Variants in TUSC3 observed in about 807,000 individuals in gnomAD.
TUSC3 encodes tumor suppressor candidate 3.
Under a neutral mutation model 44.8 loss-of-function variants are expected in TUSC3, and 45 were observed. The observed-to-expected ratio is 1.00, with a 90% CI of 0.79 to 1.29. TUSC3 has a LOEUF of 1.29. Among genes scored for constraint, TUSC3 ranks in the 50% most tolerant of loss-of-function variants. TUSC3 has a pLI of 0.00. For synonymous variants in TUSC3, 212 were observed against 152.9 expected, an observed-to-expected ratio of 1.39 and a Z score of -2.85; for missense variants, 519 against 437.9, an observed-to-expected ratio of 1.19 and a Z score of -1.65.
chr8:15,746,627 T>A (rs1811427870), intron 8 of TUSC3, among the ~76,000 whole-genome samples: 1 of 152,062 alleles, frequency 6.6e-6, no homozygotes, highest in Admixed American at 6.6e-5. Flanking sequence ...CAAGTAATTA[T>A]CTTCTGTCTT....
At position 15,766,570 on chromosome 8, in the gene TUSC3, C is replaced by T. The variant is rs755019899; in HGVS notation, c.*2414C>T. 4 of 152,068 alleles carry T rather than the reference C, an allele frequency of 2.6e-5. No homozygotes were observed. The highest frequency in any genetic ancestry group is 4.8e-5 in the African/African-American group (2 of 41,410). The allele number at this position is 152,068 out of a possible 1,614,324, so 9.4% of individuals were successfully genotyped here. On this transcript the variant is annotated 3_prime_UTR_variant, in exon 11 of 11. Transcript: ENST00000503731. ...CTAAAGGAGTTTCATTTTGTAATAA[C>T]ATCTGATTAATAACTTGTTGCATTT...
intron 9 of TUSC3, among the ~76,000 whole-genome samples, chr8:15,756,506 T>A (rs2129222583): frequency 6.6e-6 from 1 of 152,344 alleles, no homozygotes; most frequent in Non-Finnish European, 1.5e-5. Flanking sequence ...CATTAAGTAT[T>A]CATTTACAGT....
chr8:15,830,490 C>A, the TUSC3 span, among the ~76,000 whole-genome samples: 1 of 152,082 alleles, frequency 6.6e-6, no homozygotes, highest in Non-Finnish European at 1.5e-5. Flanking sequence ...TTCACAGTAG[C>A]AAGGTCATGT....
intron 1 of TUSC3, among the ~76,000 whole-genome samples, chr8:15,437,630 A>T (rs946593338): frequency 1.3e-5 from 2 of 152,236 alleles, no homozygotes; most frequent in Admixed American, 6.5e-5. Flanking sequence ...GCTTTGCCTA[A>T]GTTATAAAAA....
intron 2 of TUSC3, among the ~76,000 whole-genome samples, chr8:15,633,256 C>T (rs1182117662): frequency 6.6e-6 from 1 of 152,134 alleles, no homozygotes; most frequent in African/African-American, 2.4e-5. Flanking sequence ...CAGGATCTGT[C>T]TTGGTCCACA....
chr8:15,780,541 T>C, the TUSC3 span, among the ~76,000 whole-genome samples: 1 of 152,144 alleles, frequency 6.6e-6, no homozygotes, highest in East Asian at 1.9e-4. Context: ...ATATTCCCAG[T>C]TGTTCTGGAA....
At chr8:15,600,879 T>C (rs1033257760) in intron 1 of TUSC3, among the ~76,000 whole-genome samples, 1 of 151,698 alleles carries the variant, frequency 6.6e-6, no homozygotes, top group African/African-American at 2.4e-5. Flanking sequence ...TTAATAACGA[T>C]AGAAATGGTG....
the TUSC3 span, among the ~76,000 whole-genome samples, chr8:15,783,977 A>G: frequency 2.0e-5 from 3 of 152,218 alleles, no homozygotes; most frequent in African/African-American, 7.2e-5. Flanking sequence ...GACAAAATAT[A>G]TAAGTAACTC....
intron 6 of TUSC3, among the ~76,000 whole-genome samples, chr8:15,721,493 T>G (rs900682498): frequency 1.3e-5 from 2 of 152,108 alleles, no homozygotes; most frequent in Non-Finnish European, 2.9e-5. Context: ...ATTATACTTT[T>G]CATATATACG....
chr8:15,508,725 T>G (rs1801093444), intron 2 of TUSC3, among the ~76,000 whole-genome samples: 1 of 152,108 alleles, frequency 6.6e-6, no homozygotes, highest in Admixed American at 6.5e-5. Flanking sequence ...CGTCCCAAAG[T>G]GCTGGGATTA....
chr8:15,805,726 T>G, the TUSC3 span, among the ~76,000 whole-genome samples: 1 of 152,118 alleles, frequency 6.6e-6, no homozygotes, highest in African/African-American at 2.4e-5. Context: ...TTCAGTTTGC[T>G]AGGATTTTTA....
chr8:15,507,839 A>G (rs935462397), intron 2 of TUSC3, among the ~76,000 whole-genome samples: 1 of 152,194 alleles, frequency 6.6e-6, no homozygotes, highest in African/African-American at 2.4e-5. Context: ...GTGAACAAAA[A>G]AAGATTAATG....
In TUSC3 at chr8:15,491,946, G is replaced by A. The variant is rs372789019; in HGVS notation, n.189+8463G>A. 3.6e-4 allele frequency among the ~76,000 whole-genome samples: 54 copies of A among 152,022 alleles called. 1 individual carries two copies. The South Asian group carries it at 4.4e-3, about 12-fold the overall frequency. On this transcript the variant is annotated intron_variant and non_coding_transcript_variant, in intron 2 of 5. Transcript: ENST00000503191. ...ATTTACAACTTTAATACTCTTTACC[G>A]TGGCTACTTCCATCTAACTACTTAT...
chr8:15,671,230 C>G (rs1267556594), intron 5 of TUSC3, among the ~76,000 whole-genome samples: 1 of 151,934 alleles, frequency 6.6e-6, no homozygotes, highest in Non-Finnish European at 1.5e-5. Context: ...TAGGAAGAGA[C>G]ACAAGAGAGC....
the TUSC3 span, among the ~76,000 whole-genome samples, chr8:15,810,524 G>C: frequency 8.5e-5 from 13 of 152,170 alleles, no homozygotes; most frequent in African/African-American, 3.1e-4. Flanking sequence ...TGTGGTCCCA[G>C]CTACTTGGGA....
At chr8:15,756,388 G>C (rs541471799) in intron 9 of TUSC3, among the ~76,000 whole-genome samples, 1 of 152,108 alleles carries the variant, frequency 6.6e-6, no homozygotes, top group East Asian at 1.9e-4. Context: ...TCCCTGAAAT[G>C]TAGTAGGTTC....
chr8:15,849,015 C>T, the TUSC3 span, among the ~76,000 whole-genome samples: 1 of 152,046 alleles, frequency 6.6e-6, no homozygotes, highest in Non-Finnish European at 1.5e-5. Flanking sequence ...CTCACATGCC[C>T]AGAATACTTT....
In TUSC3 at chr8:15,428,422, A is replaced by G. The variant is rs1424137905; in HGVS notation, n.91+11117A>G. ...CTTTGCTATTGTGAATAGTGCCGCA[A>G]TAAACATACGTGTGCATGTGTCTTT... On this transcript the variant is annotated intron_variant and non_coding_transcript_variant, in intron 1 of 5. Coordinates refer to the TUSC3 transcript ENST00000503191. 3.9e-5 allele frequency among the ~76,000 whole-genome samples: 6 copies of G among 151,950 alleles called. No individual in the cohort carries two copies. In the East Asian group the frequency reaches 5.8e-4, roughly 15 times the overall value.
chr8:15,556,360 T>G (rs1337853542), intron 1 of TUSC3, among the ~76,000 whole-genome samples: 2 of 150,808 alleles, frequency 1.3e-5, no homozygotes, highest in African/African-American at 2.4e-5. Flanking sequence ...TGCATAGTAT[T>G]CCATGGTGTA....
Sources: gnomAD v4.1 joint callset for allele counts (sites outside exome capture counted in the v4.1 genomes callset) on GRCh38, gnomAD v4.1.1 for gene constraint, MANE v1.5 for transcripts, NCBI Gene and HGNC (gene_info 2026-07-23, HGNC 2026-07-21) for gene names.